ECPAS: variants seen among roughly 807,000 people sequenced by gnomAD.
ECPAS encodes proteasome adapter and scaffold protein ECM29.
ECPAS carries 70 observed loss-of-function variants against 255.1 expected under a neutral mutation model. That is an observed-to-expected ratio of 0.27 (90% CI 0.23 to 0.33). The LOEUF (loss-of-function observed/expected upper bound fraction) is 0.33. Ranked by LOEUF, ECPAS falls within the 10% of genes least tolerant of loss-of-function variation. The pLI, the probability that ECPAS is intolerant of heterozygous loss-of-function variation, is 1.00. For synonymous variants in ECPAS, 784 were observed against 775.0 expected, an observed-to-expected ratio of 1.01 and a Z score of -0.19; for missense variants, 1,817 against 2,206.4, an observed-to-expected ratio of 0.82 and a Z score of 3.54.
chr9:111,394,337 T>G, intron 25 of ECPAS, 32 bp from the exon 26 acceptor site: 1 of 1,483,788 alleles, frequency 6.7e-7, no homozygotes, highest in Non-Finnish European at 9.0e-7. Flanking sequence ...TAACAAAGAA[T>G]TAAAATAACT....
chr9:111,443,971 T>G (rs1261792534), intron 4 of ECPAS, among the ~76,000 whole-genome samples: 1 of 152,160 alleles, frequency 6.6e-6, no homozygotes, highest in Non-Finnish European at 1.5e-5. Context: ...TTTTTTAAGT[T>G]CACTTTCATG....
intron 2 of ECPAS, among the ~76,000 whole-genome samples, chr9:111,470,753 C>CACACACAT (rs1158209772): frequency 6.7e-6 from 1 of 149,100 alleles, no homozygotes; most frequent in African/African-American, 2.5e-5. Context: ...CCGCCACACA[C>CACACACAT]ACACACACAC....
At chr9:111,465,886 G>GA (rs1018785166) in intron 2 of ECPAS, among the ~76,000 whole-genome samples, 2 of 150,632 alleles carry the variant, frequency 1.3e-5, no homozygotes, top group African/African-American at 2.4e-5. Context: ...ATTGAAAAAT[G>GA]AGCCAGGCAT....
chr9:111,397,255 T>C, intron 24 of ECPAS, 102 bp from the exon 25 acceptor site: 1 of 1,444,868 alleles, frequency 6.9e-7, no homozygotes, highest in Non-Finnish European at 9.4e-7. Context: ...GAGCATGTTT[T>C]GTTTTCACTC....
chr9:111,468,450 CTG>C (rs1324360844), intron 2 of ECPAS, among the ~76,000 whole-genome samples: 1 of 152,028 alleles, frequency 6.6e-6, no homozygotes, highest in Non-Finnish European at 1.5e-5. Flanking sequence ...TACTAGACAA[CTG>C]TATACGACGT....
intron 5 of ECPAS, among the ~76,000 whole-genome samples, chr9:111,441,130 C>A (rs2098245291): frequency 6.7e-6 from 1 of 149,004 alleles, no homozygotes; most frequent in Admixed American, 6.7e-5. Flanking sequence ...CCAACCTGGG[C>A]AACAGAGTGA....
rs762604337 is a variant in ECPAS at position 111,411,152 on chromosome 9, GC to G, written c.2215-11del. 3 of 1,612,532 alleles carry G rather than the reference GC, an allele frequency of 1.9e-6. No homozygotes were observed. The highest frequency in any genetic ancestry group is 1.7e-6 in the Non-Finnish European group (2 of 1,179,304). ...GCTGTATCTCCGGGCTCTGAATTTAGCAAAAACAATAGCATATCTCTGGCTC... is the reference window on the plus strand; with the variant it reads ...GCTGTATCTCCGGGCTCTGAATTTAGAAAAACAATAGCATATCTCTGGCTC... On this transcript the variant is annotated splice_polypyrimidine_tract_variant and intron_variant, in intron 21 of 49. Coordinates refer to ENST00000684092, the MANE Select transcript of ECPAS (RefSeq NM_001364929.1).
At chr9:111,373,102 T>C (rs1343786663) in intron 41 of ECPAS, 68 bp downstream of exon 41, 1 of 1,195,010 alleles carries the variant, frequency 8.4e-7, no homozygotes, top group Non-Finnish European at 1.2e-6. Flanking sequence ...TAAGACCTAA[T>C]TTGTACTGTT....
In ECPAS at chr9:111,374,892, T is replaced by C. The variant is rs545892137; in HGVS notation, c.4110+221A>G. Among the ~76,000 whole-genome samples, 3 of 152,266 alleles carry C rather than the reference T, an allele frequency of 2.0e-5. No homozygotes were observed. In the East Asian group the frequency reaches 5.8e-4, roughly 29 times the overall value. ...GTACACGGCAACCAGAGAACAGAAATGATTCCACTAAATAAGTTAATACTT... is the reference window on the plus strand; with the variant it reads ...GTACACGGCAACCAGAGAACAGAAACGATTCCACTAAATAAGTTAATACTT... On this transcript the variant is annotated intron_variant, in intron 38 of 49. Coordinates refer to ENST00000684092, the MANE Select transcript of ECPAS (RefSeq NM_001364929.1).
At chr9:111,482,390 TCCTA>T (rs755033756) in intron 1 of ECPAS, among the ~76,000 whole-genome samples, 2 of 152,180 alleles carry the variant, frequency 1.3e-5, no homozygotes, top group Non-Finnish European at 2.9e-5. Context: ...CAAGGATAAT[TCCTA>T]CCTATCTGCC....
intron 6 of ECPAS, among the ~76,000 whole-genome samples, chr9:111,438,625 A>T (rs1311676178): frequency 2.0e-5 from 3 of 152,208 alleles, no homozygotes; most frequent in Non-Finnish European, 4.4e-5. Flanking sequence ...TAAACACAAG[A>T]CAGAGGAATA....
At chr9:111,446,507 C>CA (rs764586084) in intron 3 of ECPAS, among the ~76,000 whole-genome samples, 3 of 151,534 alleles carry the variant, frequency 2.0e-5, no homozygotes, top group Admixed American at 6.6e-5. Flanking sequence ...ACACCGACAG[C>CA]AAAAAATTCC....
chr9:111,368,648 A>T (rs960524662), intron 46 of ECPAS, among the ~76,000 whole-genome samples: 3 of 152,184 alleles, frequency 2.0e-5, no homozygotes, highest in African/African-American at 7.2e-5. Context: ...AGAGGTGATT[A>T]GGGCACAGAG....
At chr9:111,472,406 G>T (rs1408230090) in intron 2 of ECPAS, among the ~76,000 whole-genome samples, 7 of 152,050 alleles carry the variant, frequency 4.6e-5, no homozygotes, top group Non-Finnish European at 1.0e-4. Flanking sequence ...TCCAAGGGAG[G>T]CTGAGGTAGG....
chr9:111,415,424 ACACAGTGGCT>A (rs1035896212), intron 18 of ECPAS, among the ~76,000 whole-genome samples: 2 of 152,100 alleles, frequency 1.3e-5, no homozygotes, highest in Admixed American at 1.3e-4. Context: ...TATAGACCAG[ACACAGTGGCT>A]CACGCCTGTA....
At chr9:111,466,607 A>G (rs998753903) in intron 2 of ECPAS, among the ~76,000 whole-genome samples, 2 of 143,374 alleles carry the variant, frequency 1.4e-5, no homozygotes, top group Non-Finnish European at 3.0e-5. Flanking sequence ...AAAAATATAA[A>G]TAACTAAATA....
chr9:111,392,975 C>T (rs1441547063), intron 27 of ECPAS, 93 bp from the exon 28 acceptor site: 2 of 676,540 alleles, frequency 3.0e-6, no homozygotes, highest in East Asian at 5.5e-5. Flanking sequence ...TTGACACTGA[C>T]CCAAAATGAT....
chr9:111,421,327 C>T (rs148460330), intron 15 of ECPAS, among the ~76,000 whole-genome samples: 1 of 152,132 alleles, frequency 6.6e-6, no homozygotes, highest in East Asian at 1.9e-4. Flanking sequence ...TAGTATCATT[C>T]TGTCTTCCAA....
chr9:111,434,215 T>A (rs2131859984), intron 7 of ECPAS, among the ~76,000 whole-genome samples: 1 of 152,294 alleles, frequency 6.6e-6, no homozygotes, highest in Middle Eastern at 3.4e-3. Flanking sequence ...CCTCCCCTGC[T>A]CGATACAACT....
Sources: allele counts gnomAD v4.1 joint callset (sites outside exome capture counted in the v4.1 genomes callset), GRCh38; gene constraint gnomAD v4.1.1; transcripts MANE v1.5; gene names NCBI Gene and HGNC (gene_info 2026-07-23, HGNC 2026-07-21).